The following EFL1 variants were observed in gnomAD, a reference collection of about 807,000 sequenced individuals.
The protein encoded by EFL1 is elongation factor-like GTPase 1.
Under a neutral mutation model 126.7 loss-of-function variants are expected in EFL1, and 76 were observed. That is an observed-to-expected ratio of 0.60 (90% CI 0.50 to 0.73). The LOEUF is 0.73. Ranked by LOEUF, EFL1 falls within the 30% of genes least tolerant of loss-of-function variation. The pLI is 0.00. For synonymous variants in EFL1, 410 were observed against 448.4 expected (o/e 0.91, Z 1.08); for missense variants, 1,128 against 1,343.2 (o/e 0.84, Z 2.50).
intron 15 of EFL1, among the ~76,000 whole-genome samples, chr15:82,185,208 TGTGTGTGC>T (rs1426254519): frequency 1.6e-4 from 22 of 138,474 alleles, no homozygotes; most frequent in African/African-American, 6.4e-4. Context: ...TGTGTGTGTG[TGTGTGTGC>T]GTTCCTCAAT....
chr15:82,198,383 C>T (rs753563673), intron 15 of EFL1, among the ~76,000 whole-genome samples: 15 of 152,170 alleles, frequency 9.9e-5, no homozygotes, highest in Non-Finnish European at 1.8e-4. Context: ...CCATTCTGGA[C>T]CTCTCCCGAG....
At chr15:82,148,206 C>T (rs1435743277) in intron 18 of EFL1, among the ~76,000 whole-genome samples, 1 of 151,660 alleles carries the variant, frequency 6.6e-6, no homozygotes, top group Non-Finnish European at 1.5e-5. Context: ...AGTGAAATGC[C>T]GTCTCTACTA....
intron 7 of EFL1, among the ~76,000 whole-genome samples, chr15:82,235,005 T>C (rs2867645): frequency 6.6e-6 from 1 of 152,154 alleles, no homozygotes; most frequent in East Asian, 1.9e-4. Flanking sequence ...ACTGTTAACA[T>C]GGCCTCAGCA....
chr15:82,134,529 A>G (rs117564891), intron 19 of EFL1, among the ~76,000 whole-genome samples: 2,753 of 152,350 alleles, frequency 0.018, 30 homozygotes, highest in Non-Finnish European at 0.026. Flanking sequence ...AAGAAAGCCT[A>G]GAAGGAAAAA....
chr15:82,247,381 G>A (rs2141333729), intron 4 of EFL1, among the ~76,000 whole-genome samples: 1 of 152,200 alleles, frequency 6.6e-6, no homozygotes, highest in South Asian at 2.1e-4. Context: ...CACCTTAGAA[G>A]ATTCAGGTAA....
At chr15:82,194,548 GCACTTA>G (rs1326861511) in intron 15 of EFL1, among the ~76,000 whole-genome samples, 1 of 152,112 alleles carries the variant, frequency 6.6e-6, no homozygotes, top group African/African-American at 2.4e-5. Context: ...AGTCAAAAAT[GCACTTA>G]CAGAATTATT....
intron 18 of EFL1, among the ~76,000 whole-genome samples, chr15:82,151,079 A>C (rs2073901235): frequency 6.6e-6 from 1 of 152,230 alleles, no homozygotes; most frequent in South Asian, 2.1e-4. Flanking sequence ...AAAACATACT[A>C]AACGAGTTTA....
chr15:82,259,172 A>G lies in EFL1; in HGVS notation c.92-17T>C, dbSNP rs2075091624. The G allele has an allele frequency of 1.4e-5, 23 of 1,603,874 alleles. No individual in the cohort carries two copies. The East Asian group carries it at 5.1e-4, about 36-fold the overall frequency. ...TAGTTTTTCCTGTTAAAATAGCAACATCAATTCAAATCTATATCTTTTTTA... is the reference window on the plus strand; with the variant it reads ...TAGTTTTTCCTGTTAAAATAGCAACGTCAATTCAAATCTATATCTTTTTTA... On this transcript the variant is annotated splice_polypyrimidine_tract_variant and intron_variant, in intron 2 of 19. Transcript: ENST00000268206.
intron 18 of EFL1, among the ~76,000 whole-genome samples, chr15:82,144,840 A>C (rs2073825803): frequency 6.6e-6 from 1 of 152,016 alleles, no homozygotes; most frequent in Non-Finnish European, 1.5e-5. Flanking sequence ...TAAAAATACA[A>C]AAATTAGCTG....
chr15:82,240,555 T>A lies in EFL1; in HGVS notation c.379A>T (p.Thr127Ser). ...CAAGCTTGTCGCAGAACTGCCTGTG[T>A]CTGATAAAAACAGAAAGAAAAATGT... Reference protein sequence around the residue: ...VDAVEGVCPQTQAVLRQAWLE... With the variant: ...VDAVEGVCPQSQAVLRQAWLE... The change falls in exon 6 of 20, where the codon ACA becomes TCA. Residue 127 changes from threonine to serine, a missense_variant and splice_region_variant. Physicochemically the swap from Thr to Ser is moderately conservative, Grantham distance 58 (BLOSUM62 1). Transcript: ENST00000268206. The A allele has an allele frequency of 6.2e-7, 1 of 1,609,316 alleles. No individual in the cohort carries two copies. Among genetic ancestry groups the A allele is most frequent in the South Asian group, 1.1e-5 (1 of 89,570 alleles).
At chr15:82,135,885 G>A (rs1291289457) in intron 19 of EFL1, among the ~76,000 whole-genome samples, 3 of 152,184 alleles carry the variant, frequency 2.0e-5, no homozygotes, top group Non-Finnish European at 4.4e-5. Context: ...GACAATCAGT[G>A]GGAGCTAAGT....
At chr15:82,135,047 T>C (rs539142866) in intron 19 of EFL1, among the ~76,000 whole-genome samples, 20 of 152,160 alleles carry the variant, frequency 1.3e-4, no homozygotes, top group South Asian at 6.2e-4. Context: ...AGCCAAAATA[T>C]ATCAGATCAA....
chr15:82,153,987 C>T (rs1015830753), intron 17 of EFL1, among the ~76,000 whole-genome samples: 5 of 152,162 alleles, frequency 3.3e-5, no homozygotes, highest in African/African-American at 1.2e-4. Context: ...TCTGAAACTA[C>T]GAGAGAGAAC....
chr15:82,224,956 G>A (rs2074746553), intron 12 of EFL1, among the ~76,000 whole-genome samples: 1 of 152,166 alleles, frequency 6.6e-6, no homozygotes, highest in African/African-American at 2.4e-5. Context: ...CAATATTCCA[G>A]AGCTGATTTC....
intron 1 of EFL1, 165 bp from the exon 2 acceptor site, chr15:82,261,962 C>A: frequency 1.8e-6 from 1 of 561,436 alleles, no homozygotes. Context: ...AAGTCCAGTT[C>A]GAGCACTAAA....
chr15:82,190,272 T>C (rs967246188), intron 15 of EFL1, among the ~76,000 whole-genome samples: 46 of 152,208 alleles, frequency 3.0e-4, no homozygotes, highest in African/African-American at 1.1e-3. Flanking sequence ...CCACTAACTT[T>C]TTCTGTTCTC....
intron 7 of EFL1, among the ~76,000 whole-genome samples, chr15:82,235,721 C>T (rs1391855434): frequency 6.6e-6 from 1 of 152,036 alleles, no homozygotes; most frequent in Non-Finnish European, 1.5e-5. Flanking sequence ...CATCTAAAAA[C>T]AGCCTGCAGT....
intron 15 of EFL1, among the ~76,000 whole-genome samples, chr15:82,189,578 T>C (rs2074337182): frequency 6.6e-6 from 1 of 152,170 alleles, no homozygotes; most frequent in Non-Finnish European, 1.5e-5. Context: ...GTCTTCAAAT[T>C]CATATTTTTC....
intron 15 of EFL1, among the ~76,000 whole-genome samples, chr15:82,183,906 TG>T (rs1323824372): frequency 1.3e-5 from 2 of 152,190 alleles, no homozygotes; most frequent in African/African-American, 4.8e-5. Flanking sequence ...TTGAGCAGTA[TG>T]TATTAGTAAT....
Sources: allele counts gnomAD v4.1 joint callset (sites outside exome capture counted in the v4.1 genomes callset), GRCh38; gene constraint gnomAD v4.1.1; transcripts MANE v1.5; gene names NCBI Gene and HGNC (gene_info 2026-07-23, HGNC 2026-07-21).